Variants in PPM1D observed in about 807,000 individuals in gnomAD.
PPM1D encodes protein phosphatase, Mg2+/Mn2+ dependent 1D, also known as protein phosphatase 1D.
PPM1D carries 52 observed loss-of-function variants against 58.3 expected under a neutral mutation model. The ratio of observed to expected loss-of-function variants is 0.89; its 90% CI spans 0.71 to 1.12. PPM1D has a LOEUF of 1.12. PPM1D is among the 50% of genes most tolerant of loss of function. The pLI, the probability that PPM1D is intolerant of heterozygous loss-of-function variation, is 0.00. For missense variants in PPM1D, 564 were observed against 777.2 expected, an observed-to-expected ratio of 0.73 and a Z score of 3.26; for synonymous variants, 278 against 285.1, an observed-to-expected ratio of 0.98 and a Z score of 0.25.
At chr17:60,636,000 A>G (rs1027135512) in intron 3 of PPM1D, among the ~76,000 whole-genome samples, 5 of 152,118 alleles carry the variant, frequency 3.3e-5, no homozygotes, top group Non-Finnish European at 5.9e-5. Flanking sequence ...GAAGCCTTCA[A>G]TGGGGTTGGA....
chr17:60,619,079 T>C (rs2030644859), intron 1 of PPM1D, among the ~76,000 whole-genome samples: 1 of 152,242 alleles, frequency 6.6e-6, no homozygotes, highest in Non-Finnish European at 1.5e-5. Flanking sequence ...GTCCTTCTAC[T>C]CTTTCCTTCT....
At chr17:60,657,274 TTAC>T (rs1196976496) in intron 5 of PPM1D, among the ~76,000 whole-genome samples, 1 of 152,204 alleles carries the variant, frequency 6.6e-6, no homozygotes, top group Non-Finnish European at 1.5e-5. Flanking sequence ...ATAGCAGACG[TTAC>T]AACTGGTTGT....
At chr17:60,661,158 G>A (rs1390377699) in intron 5 of PPM1D, among the ~76,000 whole-genome samples, 1 of 148,750 alleles carries the variant, frequency 6.7e-6, no homozygotes, top group Admixed American at 6.8e-5. Context: ...GGCAGAGGTT[G>A]TGGTGAACCA....
intron 1 of PPM1D, among the ~76,000 whole-genome samples, chr17:60,606,066 GT>G (rs2030324304): frequency 6.6e-6 from 1 of 152,100 alleles, no homozygotes; most frequent in South Asian, 2.1e-4. Flanking sequence ...ATATCTCATT[GT>G]TTCCCCCTTT....
Position 60,663,019 on chromosome 17 carries a change from AG to A in PPM1D, c.1288del (p.Val430Ter), listed in dbSNP as rs765655972. ...VKSLEEDPWPRVNSKDHIPAL... is the reference protein window; with the variant it reads ...VKSLEEDPWPXVNSKDHIPAL... ...GTCACTGGAGGAGGATCCATGGCCAAGGGTGAATTCTAAGGACCATATACCT... is the reference window on the plus strand; with the variant it reads ...GTCACTGGAGGAGGATCCATGGCCAAGGTGAATTCTAAGGACCATATACCT... On this transcript the variant is annotated frameshift_variant, in exon 6 of 6. Coordinates refer to ENST00000305921, the MANE Select transcript of PPM1D (RefSeq NM_003620.4). LOFTEE classifies it high-confidence loss of function. 1.2e-6 allele frequency: 2 copies of A among 1,610,590 alleles called. No individual in the cohort carries two copies. The highest frequency in any genetic ancestry group is 1.3e-5 in the African/African-American group (1 of 74,804).
At chr17:60,634,774 G>A (rs1028140290) in intron 3 of PPM1D, among the ~76,000 whole-genome samples, 2 of 152,018 alleles carry the variant, frequency 1.3e-5, no homozygotes, top group African/African-American at 2.4e-5. Flanking sequence ...CTGAGAAAAC[G>A]CACATTTGTT....
At chr17:60,620,289 G>C (rs562905311) in intron 1 of PPM1D, among the ~76,000 whole-genome samples, 1 of 151,144 alleles carries the variant, frequency 6.6e-6, no homozygotes, top group Non-Finnish European at 1.5e-5. Context: ...GAGCCACCGC[G>C]CCCGGCCTGC....
At chr17:60,660,524 G>T (rs2031508390) in intron 5 of PPM1D, among the ~76,000 whole-genome samples, 1 of 151,990 alleles carries the variant, frequency 6.6e-6, no homozygotes, top group Admixed American at 6.6e-5. Flanking sequence ...GAGTTTCTGG[G>T]CCGGGTGTGG....
At chr17:60,651,886 T>C (rs2031349745) in intron 4 of PPM1D, among the ~76,000 whole-genome samples, 1 of 152,120 alleles carries the variant, frequency 6.6e-6, no homozygotes, top group East Asian at 1.9e-4. Context: ...ATTAATTATT[T>C]AGGGAGATTC....
At chr17:60,645,548 AT>A (rs2031227158) in intron 3 of PPM1D, among the ~76,000 whole-genome samples, 4 of 127,382 alleles carry the variant, frequency 3.1e-5, no homozygotes, top group Admixed American at 3.0e-4. Context: ...ATATATATGT[AT>A]ATATATGTGT....
chr17:60,604,502 T>C (rs1342808971), intron 1 of PPM1D: 2 of 152,238 alleles, frequency 1.3e-5, no homozygotes, highest in Admixed American at 1.3e-4. Context: ...TCCTGTAGTA[T>C]GTAACAAAAG....
At chr17:60,648,541 C>T (rs2031288922) in intron 4 of PPM1D, among the ~76,000 whole-genome samples, 1 of 151,876 alleles carries the variant, frequency 6.6e-6, no homozygotes, top group Non-Finnish European at 1.5e-5. Flanking sequence ...CCTGCCATCA[C>T]ACGCGGCTAA....
chr17:60,612,771 A>AGAAACAGCAGCATTTG (rs1320550855), intron 1 of PPM1D, among the ~76,000 whole-genome samples: 1 of 152,168 alleles, frequency 6.6e-6, no homozygotes, highest in East Asian at 1.9e-4. Flanking sequence ...AGAATAAATA[A>AGAAACAGCAGCATTTG]GAAACAGCAG....
Position 60,600,232 on chromosome 17 carries a change from G to A in PPM1D, c.-183G>A, listed in dbSNP as rs891276151. On this transcript the variant is annotated 5_prime_UTR_variant, in exon 1 of 6. Transcript: ENST00000305921. The stretch of plus-strand genomic sequence containing the variant: ...ACTGCCTGGCTCTGCTCGCTCCGGC[G>A]CTCCGGCCCAGCTCTCGCGGACAAG... 8.1e-7 allele frequency: 1 copy of A among 1,241,048 alleles called. No individual in the cohort carries two copies. Among genetic ancestry groups the A allele is most frequent in the East Asian group, 2.7e-5 (1 of 37,024 alleles). 76.9% of individuals were successfully genotyped at this position (1,241,048 alleles called of 1,614,324 possible). A position where few individuals can be genotyped will look rare whatever the true frequency, so the allele number is the denominator to read the frequency against.
intron 5 of PPM1D, 176 bp downstream of exon 5, chr17:60,657,017 G>A: frequency 6.5e-7 from 1 of 1,535,374 alleles, no homozygotes; most frequent in Admixed American, 2.0e-5. Flanking sequence ...CTGAATGCCA[G>A]CCATGTGTAC....
chr17:60,621,678 A>G (rs553814008), intron 1 of PPM1D, among the ~76,000 whole-genome samples: 1 of 145,530 alleles, frequency 6.9e-6, no homozygotes, highest in African/African-American at 2.6e-5. Flanking sequence ...GGTTCACGCC[A>G]TTCTCTTGCC....
chr17:60,655,080 G>T (rs1320223895), intron 4 of PPM1D, among the ~76,000 whole-genome samples: 1 of 151,898 alleles, frequency 6.6e-6, no homozygotes, highest in African/African-American at 2.4e-5. Flanking sequence ...GTATATATTT[G>T]TTCTTTATAC....
chr17:60,618,970 G>A (rs189786007), intron 1 of PPM1D, among the ~76,000 whole-genome samples: 4 of 152,170 alleles, frequency 2.6e-5, no homozygotes, highest in East Asian at 1.9e-4. Context: ...TATACTCTCT[G>A]TGTTGTACAT....
intron 4 of PPM1D, among the ~76,000 whole-genome samples, chr17:60,654,155 T>C (rs2031391876): frequency 6.6e-6 from 1 of 152,024 alleles, no homozygotes; most frequent in East Asian, 1.9e-4. Flanking sequence ...AGTATTGATG[T>C]TGGCTGTGAG....
Sources: gnomAD v4.1 joint callset for allele counts (sites outside exome capture counted in the v4.1 genomes callset) on GRCh38, gnomAD v4.1.1 for gene constraint, MANE v1.5 for transcripts, NCBI Gene and HGNC (gene_info 2026-07-23, HGNC 2026-07-21) for gene names.